Variants in FBXL13 observed in about 807,000 individuals in gnomAD.
The protein encoded by FBXL13 is F-box and leucine-rich repeat protein 13.
FBXL13 carries 67 observed loss-of-function variants against 83.6 expected under a neutral mutation model. The observed-to-expected ratio is 0.80, with a 90% CI of 0.66 to 0.98. The LOEUF is 0.98. Ranked by LOEUF, FBXL13 falls within the 50% of genes least tolerant of loss-of-function variation. The probability of loss-of-function intolerance (pLI) is 0.00; values close to 1 mark genes in which losing one functional copy is unlikely to be tolerated. For synonymous variants in FBXL13, 272 were observed against 299.5 expected (o/e 0.91, Z 0.95); for missense variants, 822 against 866.5 (o/e 0.95, Z 0.64).
intron 6 of FBXL13, among the ~76,000 whole-genome samples, chr7:102,979,533 G>T (rs150624042): frequency 1.6e-3 from 251 of 152,220 alleles, no homozygotes; most frequent in Non-Finnish European, 3.0e-3. Context: ...CTTTGTAGGG[G>T]GTGGGGTAAT....
chr7:102,954,069 T>C (rs543805239), intron 8 of FBXL13, among the ~76,000 whole-genome samples: 79 of 152,186 alleles, frequency 5.2e-4, no homozygotes, highest in Non-Finnish European at 1.0e-3. Flanking sequence ...TTCATCTCAC[T>C]GGGACTGGTT....
intron 10 of FBXL13, among the ~76,000 whole-genome samples, chr7:102,913,812 G>T (rs893403361): frequency 6.6e-6 from 1 of 152,182 alleles, no homozygotes; most frequent in African/African-American, 2.4e-5. Flanking sequence ...AAGACTAATT[G>T]ATATGCAGAG....
intron 18 of FBXL13, chr7:102,827,269 C>A (rs1029636350): frequency 2.9e-5 from 11 of 383,452 alleles, no homozygotes; most frequent in Admixed American, 2.0e-4. Context: ...CCTAGGCCAA[C>A]CAGCTCTAAG....
chr7:102,889,607 T>C (rs1811264568), intron 11 of FBXL13, among the ~76,000 whole-genome samples: 1 of 152,000 alleles, frequency 6.6e-6, no homozygotes, highest in Admixed American at 6.6e-5. Flanking sequence ...TTCCCTGCCT[T>C]GTGTCCAGGT....
At chr7:103,020,721 C>T (rs895774943) in intron 6 of FBXL13, among the ~76,000 whole-genome samples, 7 of 152,222 alleles carry the variant, frequency 4.6e-5, no homozygotes, top group African/African-American at 1.4e-4. Flanking sequence ...CATGAGTGAA[C>T]TTCCATTCAC....
intron 6 of FBXL13, among the ~76,000 whole-genome samples, chr7:103,010,154 T>C (rs1791444889): frequency 1.3e-5 from 2 of 152,066 alleles, no homozygotes; most frequent in South Asian, 4.1e-4. Context: ...AGCTTCCTGT[T>C]GTCCCGGGAA....
intron 6 of FBXL13, among the ~76,000 whole-genome samples, chr7:103,001,512 T>A (rs1370724135): frequency 1.3e-5 from 2 of 152,136 alleles, no homozygotes; most frequent in Non-Finnish European, 2.9e-5. Flanking sequence ...TCTAATTGTG[T>A]TTGTGAGAGT....
chr7:102,935,242 C>CTTTT (rs71106700), intron 8 of FBXL13, among the ~76,000 whole-genome samples: 67 of 76,420 alleles, frequency 8.8e-4, no homozygotes, highest in African/African-American at 3.6e-3. Flanking sequence ...TTTTTTCTTT[C>CTTTT]TTTTTTTTTT....
chr7:102,903,175 T>C (rs976493572), intron 11 of FBXL13, among the ~76,000 whole-genome samples: 1 of 152,108 alleles, frequency 6.6e-6, no homozygotes, highest in African/African-American at 2.4e-5. Context: ...ACTTAATGTA[T>C]GGTTGTTGTA....
At chr7:102,948,492 C>T (rs781303247) in intron 8 of FBXL13, among the ~76,000 whole-genome samples, 15 of 149,534 alleles carry the variant, frequency 1.0e-4, no homozygotes, top group Non-Finnish European at 4.5e-5. Flanking sequence ...GGCATGATCT[C>T]GGCTCACTGC....
chr7:103,045,598 T>C (rs1206844999), intron 2 of FBXL13, among the ~76,000 whole-genome samples: 1 of 152,238 alleles, frequency 6.6e-6, no homozygotes, highest in Non-Finnish European at 1.5e-5. Flanking sequence ...ATGTCCTATT[T>C]ACAGGAGAAA....
intron 6 of FBXL13, among the ~76,000 whole-genome samples, chr7:102,975,107 G>T (rs542879956): frequency 2.5e-4 from 38 of 151,954 alleles, no homozygotes; most frequent in African/African-American, 8.9e-4. Flanking sequence ...ACCCATACTC[G>T]CTCAGGCACC....
intron 6 of FBXL13, among the ~76,000 whole-genome samples, chr7:103,014,908 G>GC (rs1792084681): frequency 7.2e-6 from 1 of 138,574 alleles, no homozygotes; most frequent in African/African-American, 2.7e-5. Flanking sequence ...TGGGCGACAG[G>GC]GAGACTCCGT....
intron 17 of FBXL13, among the ~76,000 whole-genome samples, chr7:102,838,479 G>A (rs1286647737): frequency 6.6e-6 from 1 of 151,836 alleles, no homozygotes; most frequent in East Asian, 1.9e-4. Context: ...GAGACAGAGT[G>A]TCACTCTGTC....
At chr7:102,888,593 A>G (rs966829215) in intron 11 of FBXL13, among the ~76,000 whole-genome samples, 2 of 152,220 alleles carry the variant, frequency 1.3e-5, no homozygotes, top group Non-Finnish European at 2.9e-5. Context: ...GAGGCAAAGC[A>G]GTGGGAGTGC....
At chr7:103,027,349 C>A in intron 5 of FBXL13, 100 bp downstream of exon 6, 1 of 704,408 alleles carries the variant, frequency 1.4e-6, no homozygotes, top group Non-Finnish European at 2.3e-6. Context: ...AGATAATATT[C>A]AGGATTTTAG....
intron 10 of FBXL13, among the ~76,000 whole-genome samples, chr7:102,924,139 G>A (rs2129471448): frequency 6.6e-6 from 1 of 151,758 alleles, no homozygotes; most frequent in East Asian, 2.0e-4. Context: ...TTGGGAGGCT[G>A]AGGCAGGAGA....
intron 1 of FBXL13, among the ~76,000 whole-genome samples, chr7:103,057,495 G>C (rs1459241302): frequency 6.6e-6 from 1 of 152,094 alleles, no homozygotes; most frequent in African/African-American, 2.4e-5. Context: ...AACCATAAAA[G>C]AGATTGAGAA....
chr7:102,940,360 C>T (rs1194237149), intron 8 of FBXL13, among the ~76,000 whole-genome samples: 1 of 151,874 alleles, frequency 6.6e-6, no homozygotes, highest in Admixed American at 6.6e-5. Context: ...CAGGCACCCG[C>T]CACCACGCCC....
Sources: allele counts gnomAD v4.1 joint callset (sites outside exome capture counted in the v4.1 genomes callset), GRCh38; gene constraint gnomAD v4.1.1; transcripts MANE v1.5; gene names NCBI Gene and HGNC (gene_info 2026-07-23, HGNC 2026-07-21).